PARD3B: variants seen among roughly 807,000 people sequenced by gnomAD.
PARD3B encodes par-3 family cell polarity regulator beta, also known as partitioning defective 3 homolog B.
Under a neutral mutation model 130.2 loss-of-function variants are expected in PARD3B, and 103 were observed. That is an observed-to-expected ratio of 0.79 (90% confidence interval 0.67 to 0.93). The LOEUF is 0.93. PARD3B is among the 40% of genes least tolerant of loss of function. The pLI is 0.00. For synonymous variants in PARD3B, 583 were observed against 553.2 expected (o/e 1.05, Z -0.76); for missense variants, 1,609 against 1,499.2 (o/e 1.07, Z -1.21).
intron 2 of PARD3B, among the ~76,000 whole-genome samples, chr2:204,900,923 G>A (rs1008036588): frequency 2.0e-5 from 3 of 152,146 alleles, no homozygotes; most frequent in African/African-American, 4.8e-5. Flanking sequence ...GAGTTCTGTG[G>A]ATTACCAGGC....
At chr2:205,556,273 T>C (rs143366674) in intron 22 of PARD3B, among the ~76,000 whole-genome samples, 1 of 152,344 alleles carries the variant, frequency 6.6e-6, no homozygotes, top group Non-Finnish European at 1.5e-5. Flanking sequence ...ATTGGGTTCC[T>C]ATGTTGTTTG....
chr2:205,167,166 T>C (rs932349687), intron 11 of PARD3B, among the ~76,000 whole-genome samples: 5 of 152,068 alleles, frequency 3.3e-5, no homozygotes, highest in Admixed American at 6.5e-5. Context: ...CCACACAACA[T>C]TGCCAGTAAT....
chr2:204,920,761 GTTGTGTT>G (rs1479872574), intron 2 of PARD3B, among the ~76,000 whole-genome samples: 3 of 152,278 alleles, frequency 2.0e-5, no homozygotes, highest in Admixed American at 2.0e-4. Flanking sequence ...TATCATCGCT[GTTGTGTT>G]TTATTGCTGT....
intron 2 of PARD3B, among the ~76,000 whole-genome samples, chr2:204,776,159 A>T (rs1329767803): frequency 6.6e-6 from 1 of 152,194 alleles, no homozygotes; most frequent in East Asian, 1.9e-4. Flanking sequence ...TTATTGAATG[A>T]CACAATCTCT....
At chr2:204,701,480 T>C (rs2037889963) in intron 2 of PARD3B, among the ~76,000 whole-genome samples, 1 of 152,178 alleles carries the variant, frequency 6.6e-6, no homozygotes, top group Non-Finnish European at 1.5e-5. Flanking sequence ...TAGGTGATTA[T>C]TGGTAAGTTA....
intron 1 of PARD3B, among the ~76,000 whole-genome samples, chr2:204,599,747 C>T (rs1299675056): frequency 6.6e-6 from 1 of 151,808 alleles, no homozygotes; most frequent in Non-Finnish European, 1.5e-5. Context: ...TTTGTAGTTT[C>T]TAGAGGAACC....
At chr2:205,211,521 A>G (rs1227116990) in intron 15 of PARD3B, among the ~76,000 whole-genome samples, 1 of 145,500 alleles carries the variant, frequency 6.9e-6, no homozygotes, top group African/African-American at 2.7e-5. Flanking sequence ...CGATGAGGTA[A>G]ATAAACGATA....
At chr2:205,342,476 C>T (rs1182700922) in intron 18 of PARD3B, among the ~76,000 whole-genome samples, 1 of 152,066 alleles carries the variant, frequency 6.6e-6, no homozygotes, top group Non-Finnish European at 1.5e-5. Context: ...TTTAAAATTA[C>T]CTTGAATATG....
intron 3 of PARD3B, among the ~76,000 whole-genome samples, chr2:205,014,657 T>C (rs1695984469): frequency 6.6e-6 from 1 of 152,248 alleles, no homozygotes; most frequent in Admixed American, 6.5e-5. Context: ...CTCTTCTGTG[T>C]TGAGCACTGT....
intron 3 of PARD3B, among the ~76,000 whole-genome samples, chr2:204,990,312 T>G (rs1213657118): frequency 6.6e-6 from 1 of 152,246 alleles, no homozygotes; most frequent in East Asian, 1.9e-4. Context: ...GTACATGTGA[T>G]ATTTGATATA....
intron 2 of PARD3B, among the ~76,000 whole-genome samples, chr2:204,827,495 A>G (rs975022415): frequency 3.3e-5 from 5 of 152,184 alleles, no homozygotes; most frequent in Non-Finnish European, 7.4e-5. Context: ...CTCTTTTGTT[A>G]ATGAATGACT....
intron 4 of PARD3B, among the ~76,000 whole-genome samples, chr2:205,093,290 G>A (rs1346248387): frequency 6.6e-6 from 1 of 152,138 alleles, no homozygotes; most frequent in Admixed American, 6.6e-5. Context: ...AGTATCTGTT[G>A]TATTTCAGTC....
intron 2 of PARD3B, among the ~76,000 whole-genome samples, chr2:204,686,813 C>T (rs1212704078): frequency 6.6e-6 from 1 of 152,098 alleles, no homozygotes; most frequent in East Asian, 1.9e-4. Flanking sequence ...TGTTCTGCCA[C>T]TTATTTGGGA....
intron 2 of PARD3B, among the ~76,000 whole-genome samples, chr2:204,770,461 GA>G (rs930923991): frequency 2.7e-5 from 4 of 150,758 alleles, no homozygotes; most frequent in Admixed American, 6.7e-5. Context: ...GTGTGGTGCT[GA>G]AAAAAATGTA....
rs2055447788 is a variant in PARD3B, at chr2:205,616,695, G to T, written c.*882G>T. On this transcript the variant is annotated 3_prime_UTR_variant, in exon 23 of 23. Coordinates refer to ENST00000406610, the MANE Select transcript of PARD3B (RefSeq NM_001302769.2). ...CTCCTGCCTATAATTACTTTAACTG[G>T]GGTCTCTAAGGTTCCCACTTGAGGG... is the stretch of plus-strand genomic sequence containing the variant. 6.6e-6 allele frequency: 1 copy of T among 152,108 alleles called. No homozygotes were observed. Among genetic ancestry groups the T allele is most frequent in the Non-Finnish European group, 1.5e-5 (1 of 68,050 alleles). 9.4% of individuals were successfully genotyped at this position (152,108 alleles called of 1,614,324 possible).
intron 3 of PARD3B, among the ~76,000 whole-genome samples, chr2:205,003,394 A>G (rs1026316417): frequency 6.6e-6 from 1 of 152,192 alleles, no homozygotes; most frequent in Admixed American, 6.5e-5. Context: ...TATTCTGCCT[A>G]GCAGGGTACA....
intron 1 of PARD3B, among the ~76,000 whole-genome samples, chr2:204,636,133 AG>A (rs1239307025): frequency 6.6e-6 from 1 of 152,174 alleles, no homozygotes; most frequent in East Asian, 1.9e-4. Flanking sequence ...AGGTATAGAA[AG>A]GAGAATCAAA....
At chr2:205,087,335 T>C (rs972340055) in intron 4 of PARD3B, among the ~76,000 whole-genome samples, 31 of 152,210 alleles carry the variant, frequency 2.0e-4, no homozygotes, top group African/African-American at 7.5e-4. Context: ...CATCATATAA[T>C]GTACTTTCCA....
chr2:205,430,363 C>G (rs888230293), intron 19 of PARD3B, among the ~76,000 whole-genome samples: 3 of 152,306 alleles, frequency 2.0e-5, no homozygotes, highest in Admixed American at 6.5e-5. Context: ...AGTACTCCTC[C>G]TCAAAAATGT....
Sources: allele counts gnomAD v4.1 joint callset (sites outside exome capture counted in the v4.1 genomes callset), GRCh38; gene constraint gnomAD v4.1.1; transcripts MANE v1.5; gene names NCBI Gene and HGNC (gene_info 2026-07-23, HGNC 2026-07-21).